INPP5D: variants seen among roughly 807,000 people sequenced by gnomAD.
INPP5D encodes inositol polyphosphate-5-phosphatase D, also known as phosphatidylinositol 3,4,5-trisphosphate 5-phosphatase 1.
In INPP5D, 33 loss-of-function variants were observed where a neutral mutation model predicts 122.9. The ratio of observed to expected loss-of-function variants is 0.27; its 90% CI spans 0.20 to 0.36. The LOEUF (loss-of-function observed/expected upper bound fraction) is 0.36, where lower values mean the gene tolerates loss of function less well. INPP5D is among the 10% of genes least tolerant of loss of function. The pLI is 1.00. For missense variants in INPP5D, 1,053 were observed against 1,412.7 expected (o/e 0.75, Z 4.08); for synonymous variants, 584 against 576.2 (o/e 1.01, Z -0.19).
Position 233,184,203 on chromosome 2 carries a change from G to A in INPP5D, c.2162-205G>A, listed in dbSNP as rs750860427. ...TCTGCATCTTTCTGCCCCGCTCTCT[G>A]CCCTGGCCAGCTCACGATGCATCAG... On this transcript the variant is annotated intron_variant, in intron 19 of 26. Coordinates refer to ENST00000445964, the MANE Select transcript of INPP5D (RefSeq NM_001017915.3). 1.3e-3 allele frequency among the ~76,000 whole-genome samples: 194 copies of A among 152,148 alleles called. 1 individual carries two copies. Among genetic ancestry groups the A allele is most frequent in the Non-Finnish European group, 1.9e-3 (130 of 68,032 alleles).
intron 25 of INPP5D, among the ~76,000 whole-genome samples, chr2:233,201,103 A>G (rs1446437802): frequency 6.6e-6 from 1 of 152,096 alleles, no homozygotes; most frequent in African/African-American, 2.4e-5. Flanking sequence ...CTCTGTACAG[A>G]GTTTGTTGAT....
rs1693306338 is a variant in INPP5D at position 233,130,892 on chromosome 2, C to T, written c.665+244C>T. The T allele has an allele frequency of 6.2e-6, 4 of 649,112 alleles. No homozygotes were observed. The East Asian group carries it at 9.6e-5, about 16-fold the overall frequency. The allele number at this position is 649,112 out of a possible 1,614,324, so 40.2% of individuals were successfully genotyped here. A position where few individuals can be genotyped will look rare whatever the true frequency, so the allele number is the denominator to read the frequency against. Reference sequence around the variant, plus strand: ...ACTAAAGTTAATTGGAGGCCAGTTGCTCTGGGAAGCGGATGGGGTGGGAGG... The same window carrying T: ...ACTAAAGTTAATTGGAGGCCAGTTGTTCTGGGAAGCGGATGGGGTGGGAGG... On this transcript the variant is annotated intron_variant, in intron 5 of 26. Coordinates refer to ENST00000445964, the MANE Select transcript of INPP5D (RefSeq NM_001017915.3).
At chr2:233,072,812 C>T (rs947578656) in intron 1 of INPP5D, among the ~76,000 whole-genome samples, 3 of 152,192 alleles carry the variant, frequency 2.0e-5, no homozygotes, top group Non-Finnish European at 4.4e-5. Context: ...TCTTCATTTT[C>T]TCATTTCTAA....
At chr2:233,163,653 T>A in intron 11 of INPP5D, 54 bp from the exon 12 acceptor site, 1 of 1,610,998 alleles carries the variant, frequency 6.2e-7, no homozygotes, top group Non-Finnish European at 8.5e-7. Flanking sequence ...ATTCTCCTAA[T>A]GCTTTGACTC....
chr2:233,184,599 G>A (rs1694861668), intron 20 of INPP5D, 78 bp downstream of exon 20: 2 of 1,551,044 alleles, frequency 1.3e-6, no homozygotes, highest in Non-Finnish European at 1.7e-6. Context: ...TTGGCACTTT[G>A]CCCCATATCT....
At chr2:233,116,256 T>TAGATAGATAGATAGATAG (rs1349467023) in intron 2 of INPP5D, among the ~76,000 whole-genome samples, 15 of 121,928 alleles carry the variant, frequency 1.2e-4, no homozygotes, top group Admixed American at 3.0e-4. Flanking sequence ...TAGATAGATA[T>TAGATAGATAGATAGATAG]AGATATAGAT....
At position 233,082,880 on chromosome 2, in the gene INPP5D, T is replaced by A. The variant is rs1213954784; in HGVS notation, c.198+3482T>A. On this transcript the variant is annotated intron_variant, in intron 2 of 26. Coordinates refer to ENST00000445964, the MANE Select transcript of INPP5D (RefSeq NM_001017915.3). The surrounding 1 kb of genome is among the most constrained non-coding windows in gnomAD (Gnocchi z 4.7). Reference sequence around the variant, plus strand: ...GCCTCCCCGGCTAAGCTTTCTTCCTTCCAATCCAGAAGGTGTTTCCAAGCC... The same window carrying A: ...GCCTCCCCGGCTAAGCTTTCTTCCTACCAATCCAGAAGGTGTTTCCAAGCC... Among the ~76,000 whole-genome samples, 2 of 152,216 alleles carry A rather than the reference T, an allele frequency of 1.3e-5. No homozygotes were observed. The highest frequency in any genetic ancestry group is 4.8e-5 in the African/African-American group (2 of 41,458).
At chr2:233,158,448 CT>C (rs1377256376) in intron 10 of INPP5D, 29 bp downstream of exon 10, 2 of 693,616 alleles carry the variant, frequency 2.9e-6, no homozygotes, top group Admixed American at 4.1e-5. Context: ...CTAAAATGGG[CT>C]GTGAGGTAGG....
At position 233,197,032 on chromosome 2, in the gene INPP5D, T is replaced by C. The variant is rs916608361; in HGVS notation, c.2694-1063T>C. Among the ~76,000 whole-genome samples the C allele has an allele frequency of 1.3e-5, 2 of 152,218 alleles. No homozygotes were observed. The highest frequency in any genetic ancestry group is 2.9e-5 in the Non-Finnish European group (2 of 68,028). The stretch of plus-strand genomic sequence containing the variant: ...CTGTGTTCCAGAATCAGGATCAGTG[T>C]AGGGAAACAAATTCTTTTCCATTTT... On this transcript the variant is annotated intron_variant, in intron 24 of 26. Transcript: ENST00000445964. This position sits in a 1 kb window ranked among gnomAD's most constrained non-coding sequence, Gnocchi z 4.4.
chr2:233,061,603 G>T (rs374538687), intron 1 of INPP5D, among the ~76,000 whole-genome samples: 1 of 152,186 alleles, frequency 6.6e-6, no homozygotes, highest in Non-Finnish European at 1.5e-5. Flanking sequence ...GATGAACCCA[G>T]ACCTGTTTTG....
At chr2:233,175,929 G>T (rs1193683364) in intron 17 of INPP5D, among the ~76,000 whole-genome samples, 1 of 152,106 alleles carries the variant, frequency 6.6e-6, no homozygotes. Context: ...TGATCCACCC[G>T]CCTTGGCCTC....
chr2:233,069,854 A>G (rs1691327573), intron 1 of INPP5D, among the ~76,000 whole-genome samples: 1 of 152,210 alleles, frequency 6.6e-6, no homozygotes, highest in Admixed American at 6.5e-5. Flanking sequence ...CGAGGAGTGG[A>G]ATTACTAGAT....
intron 2 of INPP5D, among the ~76,000 whole-genome samples, chr2:233,109,953 T>C (rs952713097): frequency 6.6e-6 from 1 of 151,924 alleles, no homozygotes; most frequent in African/African-American, 2.4e-5. Flanking sequence ...AGCACAATCT[T>C]GGTTCACTGC....
In INPP5D at chr2:233,204,524, C is replaced by T; in HGVS notation, c.3374C>T (p.Ser1125Phe). The T allele has an allele frequency of 6.3e-7, 1 of 1,580,746 alleles. No individual in the cohort carries two copies. The highest frequency in any genetic ancestry group is 8.6e-7 in the Non-Finnish European group (1 of 1,164,834). The change falls in exon 26 of 27, where the codon TCC (serine) becomes TTC (phenylalanine). Residue 1125 changes from serine (S) to phenylalanine (F), a missense_variant. This residue lies in a region of INPP5D where 417 missense variants were observed against 425.8 expected (regional missense o/e 0.98). Transcript: ENST00000445964. Reference protein sequence around the residue: ...PVPAKRPIKPSRSEINQQTPP... With the variant: ...PVPAKRPIKPFRSEINQQTPP... ...CCGGCCAAGAGGCCCATCAAGCCTT[C>T]CAGATCGGAAATCAACCAGCAGACC... is the stretch of plus-strand genomic sequence containing the variant.
chr2:233,064,615 C>T (rs189940780), intron 1 of INPP5D, among the ~76,000 whole-genome samples: 20 of 152,292 alleles, frequency 1.3e-4, no homozygotes, highest in Admixed American at 9.2e-4. Flanking sequence ...AGGTGCAGAG[C>T]GGTTTATGGA....
chr2:233,117,579 T>A (rs1692838390), intron 2 of INPP5D, among the ~76,000 whole-genome samples: 1 of 152,124 alleles, frequency 6.6e-6, no homozygotes, highest in Non-Finnish European at 1.5e-5. Context: ...AGCACCTGCT[T>A]CTTGCCTGTG....
At chr2:233,097,539 G>A (rs1207701604) in intron 2 of INPP5D, among the ~76,000 whole-genome samples, 1 of 151,996 alleles carries the variant, frequency 6.6e-6, no homozygotes, top group African/African-American at 2.4e-5. Flanking sequence ...TCTTAAACCT[G>A]CTCTGTTACT....
At chr2:233,168,457 A>G (rs1225099695) in intron 13 of INPP5D, among the ~76,000 whole-genome samples, 2 of 152,258 alleles carry the variant, frequency 1.3e-5, no homozygotes, top group African/African-American at 2.4e-5. Context: ...ATAGAAGGCC[A>G]GATGGTGAAT....
chr2:233,151,351 A>G (rs1219384981), intron 9 of INPP5D, among the ~76,000 whole-genome samples: 1 of 151,976 alleles, frequency 6.6e-6, no homozygotes, highest in Admixed American at 6.6e-5. Flanking sequence ...GCTATTTCAG[A>G]GCAGGTTTGT....
Sources: allele counts gnomAD v4.1 joint callset (sites outside exome capture counted in the v4.1 genomes callset), GRCh38; gene constraint gnomAD v4.1.1; regional missense constraint gnomAD v4.1.1; non-coding constraint Gnocchi (gnomAD v3.1); transcripts MANE v1.5; gene names NCBI Gene and HGNC (gene_info 2026-07-23, HGNC 2026-07-21).